The following HCRTR2 variants were observed in gnomAD, a reference collection of about 807,000 sequenced individuals.
HCRTR2 encodes orexin receptor type 2.
HCRTR2 carries 22 observed loss-of-function variants against 49.0 expected under a neutral mutation model. That is an observed-to-expected ratio of 0.45 (90% CI 0.32 to 0.64). HCRTR2 has a LOEUF of 0.64. HCRTR2 is among the 30% of genes least tolerant of loss of function. The probability of loss-of-function intolerance (pLI) is 0.04; values close to 1 mark genes in which losing one functional copy is unlikely to be tolerated. For synonymous variants in HCRTR2, 236 were observed against 205.3 expected (o/e 1.15, Z -1.28); for missense variants, 491 against 559.4 (o/e 0.88, Z 1.23).
At chr6:55,263,598 A>C in intron 3 of HCRTR2, 109 bp from the exon 4 acceptor site, 1 of 696,978 alleles carries the variant, frequency 1.4e-6, no homozygotes, top group Non-Finnish European at 2.6e-6. Context: ...ATGACAATGA[A>C]ATCATATAAA....
At chr6:55,169,488 G>A (rs548286726) in intron 1 of HCRTR2, among the ~76,000 whole-genome samples, 22 of 151,562 alleles carry the variant, frequency 1.5e-4, no homozygotes, top group Non-Finnish European at 2.8e-4. Context: ...CCGAGAGTGC[G>A]TACAGTGACA....
At position 55,233,297 on chromosome 6, in the gene HCRTR2, G is replaced by A. The variant is rs184064288; in HGVS notation, c.224-15342G>A. Among the ~76,000 whole-genome samples, 1,312 of 152,114 alleles carry A rather than the reference G, an allele frequency of 8.6e-3. 11 individuals are homozygous for A. The highest frequency in any genetic ancestry group is 0.011 in the Non-Finnish European group (718 of 67,988). On this transcript the variant is annotated intron_variant, in intron 1 of 6. Transcript: ENST00000370862. ...GTAAACATGGGGTTTTACCATGTTG[G>A]CCAGGCTGGTCTCAAACTCCTGACC...
In HCRTR2 at chr6:55,245,469, TTATATATATA is replaced by T. The variant is rs745939954; in HGVS notation, c.224-3142_224-3133del. ...TACACATAGAATACATAGGAAGATT[TTATATATATA>T]TATATATATATATATATATATATAT... is the stretch of plus-strand genomic sequence containing the variant. On this transcript the variant is annotated intron_variant, in intron 1 of 6. Transcript: ENST00000370862. 4.8e-4 allele frequency among the ~76,000 whole-genome samples: 27 copies of T among 56,770 alleles called. 1 individual carries two copies. The South Asian group carries it at 8.0e-3, about 17-fold the overall frequency. The allele number at this position is 56,770 out of a possible 152,430, so 37.2% of individuals were successfully genotyped here.
At position 55,282,305 on chromosome 6, in the gene HCRTR2, A is replaced by C. The variant is rs565104538; in HGVS notation, c.1186A>C (p.Arg396=). ...CCATCGCCAGGAGGATCGGCTCACC[A>C]GGGGACGAACTAGCACAGAGAGCCG... ...VHHRQEDRLT[R]GRTSTESRKS... is the part of the protein sequence containing the mutation. Residue 396 remains arginine, a synonymous_variant, in exon 7 of 7, where the codon AGG becomes CGG. Transcript: ENST00000370862. 2 of 1,613,844 alleles carry C rather than the reference A, an allele frequency of 1.2e-6. No individual in the cohort carries two copies. Among genetic ancestry groups the C allele is most frequent in the Non-Finnish European group, 1.7e-6 (2 of 1,179,892 alleles).
chr6:55,208,797 A>G (rs536366733), intron 1 of HCRTR2, among the ~76,000 whole-genome samples: 43 of 152,204 alleles, frequency 2.8e-4, no homozygotes, highest in Middle Eastern at 3.2e-3. Context: ...GATGAATTCA[A>G]TGATGAGTTA....
At chr6:55,109,788 A>G (rs2127610345) in intron 1 of HCRTR2, among the ~76,000 whole-genome samples, 1 of 152,316 alleles carries the variant, frequency 6.6e-6, no homozygotes, top group East Asian at 1.9e-4. Context: ...AAAGTTTGTA[A>G]AACATATTTG....
intron 1 of HCRTR2, among the ~76,000 whole-genome samples, chr6:55,244,427 C>T: frequency 6.6e-6 from 1 of 151,872 alleles, no homozygotes; most frequent in East Asian, 1.9e-4. Flanking sequence ...CTGCAATACT[C>T]TAGCTAATGG....
chr6:55,263,674 C>A lies in HCRTR2; in HGVS notation c.647-33C>A, dbSNP rs201830373. On this transcript the variant is annotated intron_variant, in intron 3 of 6. Coordinates refer to ENST00000370862, the MANE Select transcript of HCRTR2 (RefSeq NM_001384272.1). ...TTTTTTAAAAGTCCATCAATTGTAA[C>A]GTAAGGTTTTGTTGTTTTGACTTTC... 35 of 1,117,066 alleles carry A rather than the reference C, an allele frequency of 3.1e-5. No homozygotes were observed. In the South Asian group the frequency reaches 3.6e-4, roughly 12 times the overall value. 69.2% of individuals were successfully genotyped at this position (1,117,066 alleles called of 1,614,324 possible). A position where few individuals can be genotyped will look rare whatever the true frequency, so the allele number is the denominator to read the frequency against.
chr6:55,210,952 T>G (rs1043748313), intron 1 of HCRTR2, among the ~76,000 whole-genome samples: 2 of 152,178 alleles, frequency 1.3e-5, no homozygotes, highest in Non-Finnish European at 2.9e-5. Context: ...TTTACGACTG[T>G]GGTCCCATAA....
At chr6:55,235,599 A>AT (rs1766199100) in intron 1 of HCRTR2, among the ~76,000 whole-genome samples, 1 of 151,978 alleles carries the variant, frequency 6.6e-6, no homozygotes, top group Admixed American at 6.6e-5. Context: ...TGGGAATTTT[A>AT]TTTTTTTAAC....
intron 1 of HCRTR2, among the ~76,000 whole-genome samples, chr6:55,195,963 C>T (rs1277185476): frequency 1.3e-5 from 2 of 151,990 alleles, no homozygotes; most frequent in African/African-American, 4.8e-5. Context: ...CAGAGCGAGA[C>T]TTCGTCTCAA....
chr6:55,163,086 A>C lies in HCRTR2; in HGVS notation c.-377-11125A>C, dbSNP rs536479835. Among the ~76,000 whole-genome samples the C allele has an allele frequency of 7.2e-5, 11 of 152,138 alleles. No homozygotes were observed. The South Asian group carries it at 1.9e-3, about 26-fold the overall frequency. On this transcript the variant is annotated intron_variant, in intron 1 of 7. Coordinates refer to the HCRTR2 transcript ENST00000615358. ...CCCGTCTCTACTAAAAATACAAAAA[A>C]TTAGCCGGGCGTGGTGGCAGGCGCC...
chr6:55,258,609 T>G (rs1766696763), intron 3 of HCRTR2, among the ~76,000 whole-genome samples: 1 of 152,234 alleles, frequency 6.6e-6, no homozygotes, highest in Non-Finnish European at 1.5e-5. Flanking sequence ...ATGTAAATAC[T>G]TATTTTAATA....
At chr6:55,263,596 G>A in intron 3 of HCRTR2, 111 bp from the exon 4 acceptor site, 1 of 695,630 alleles carries the variant, frequency 1.4e-6, no homozygotes, top group Non-Finnish European at 2.6e-6. Context: ...ATATGACAAT[G>A]AAATCATATA....
At chr6:55,266,364 T>C (rs1766860845) in intron 4 of HCRTR2, among the ~76,000 whole-genome samples, 1 of 152,186 alleles carries the variant, frequency 6.6e-6, no homozygotes, top group Admixed American at 6.5e-5. Flanking sequence ...CAGTTGCTTT[T>C]TTCATAAGAA....
chr6:55,157,233 T>A (rs1343677471), intron 1 of HCRTR2, among the ~76,000 whole-genome samples: 1 of 151,986 alleles, frequency 6.6e-6, no homozygotes, highest in Non-Finnish European at 1.5e-5. Flanking sequence ...CACTAGCAAA[T>A]AACTCTGAAA....
chr6:55,211,838 T>C (rs1446283620), intron 1 of HCRTR2, among the ~76,000 whole-genome samples: 1 of 152,148 alleles, frequency 6.6e-6, no homozygotes, highest in African/African-American at 2.4e-5. Context: ...TGGGATATGT[T>C]CTTGCACAGC....
At chr6:55,125,090 T>C (rs1764254920) in intron 1 of HCRTR2, among the ~76,000 whole-genome samples, 1 of 152,190 alleles carries the variant, frequency 6.6e-6, no homozygotes, top group African/African-American at 2.4e-5. Flanking sequence ...TGTCTTTTAA[T>C]TGGAACATTT....
At chr6:55,192,405 G>A (rs1184133978) in intron 1 of HCRTR2, among the ~76,000 whole-genome samples, 2 of 108,264 alleles carry the variant, frequency 1.8e-5, no homozygotes, top group South Asian at 3.1e-4. Context: ...ACACACACGC[G>A]CGCGCGCGCA....
Sources: gnomAD v4.1 joint callset for allele counts (sites outside exome capture counted in the v4.1 genomes callset) on GRCh38, gnomAD v4.1.1 for gene constraint, MANE v1.5 for transcripts, NCBI Gene and HGNC (gene_info 2026-07-23, HGNC 2026-07-21) for gene names.